LIPF: variants seen among roughly 807,000 people sequenced by gnomAD.
The protein encoded by LIPF is gastric triacylglycerol lipase.
A neutral mutation model predicts 38.0 loss-of-function variants in LIPF; 25 were observed. The ratio of observed to expected loss-of-function variants is 0.66; its 90% CI spans 0.48 to 0.92. The LOEUF is 0.92. Ranked by LOEUF, LIPF falls within the 40% of genes least tolerant of loss-of-function variation. The pLI, the probability that LIPF is intolerant of heterozygous loss-of-function variation, is 0.00. For missense variants in LIPF, 410 were observed against 469.9 expected (o/e 0.87, Z 1.18); for synonymous variants, 161 against 156.2 (o/e 1.03, Z -0.23).
chr10:88,678,501 C>T lies in LIPF; in HGVS notation c.1017C>T (p.Asn339=), dbSNP rs777563036. ...TGAATGTACCAATTGCAGTGTGGAACGGTGGCAAGGACCTGTTGGCTGACC... is the reference window on the plus strand; with the variant it reads ...TGAATGTACCAATTGCAGTGTGGAATGGTGGCAAGGACCTGTTGGCTGACC... ...TAMNVPIAVW[N]GGKDLLADPQ... The change falls in exon 10 of 10, where the codon AAC becomes AAT. Residue 339 remains asparagine (N), a synonymous_variant. Transcript: ENST00000238983. 1.1e-5 allele frequency: 17 copies of T among 1,613,894 alleles called. No homozygotes were observed. Among genetic ancestry groups the T allele is most frequent in the South Asian group, 8.8e-5 (8 of 91,072 alleles).
intron 6 of LIPF, among the ~76,000 whole-genome samples, chr10:88,672,556 C>T (rs930371752): frequency 6.6e-6 from 1 of 151,748 alleles, no homozygotes; most frequent in African/African-American, 2.4e-5. Context: ...GCAGTAGGCA[C>T]ACATGTTATG....
At chr10:88,673,146 C>A (rs1841629979) in intron 6 of LIPF, among the ~76,000 whole-genome samples, 1 of 152,194 alleles carries the variant, frequency 6.6e-6, no homozygotes. Context: ...AATTCTTATA[C>A]TGAGCCTCAT....
chr10:88,678,379 G>C (rs756270127), intron 9 of LIPF, 66 bp from the exon 10 acceptor site: 6 of 1,145,028 alleles, frequency 5.2e-6, no homozygotes, highest in South Asian at 1.2e-5. Flanking sequence ...CACTCTACTT[G>C]AATAGTAAGT....
At chr10:88,672,670 A>ACACACACT (rs869259093) in intron 6 of LIPF, among the ~76,000 whole-genome samples, 17 of 110,558 alleles carry the variant, frequency 1.5e-4, no homozygotes, top group African/African-American at 3.1e-4. Context: ...ACACACACAC[A>ACACACACT]CTCTCTCTCT....
chr10:88,669,956 G>A lies in LIPF; in HGVS notation c.532+10G>A, dbSNP rs1040914828. ...CAGGGCACCACCATTGGTAAGTAAT[G>A]GCAGTCAAGGCCAAGTGGTTTACTT... On this transcript the variant is annotated intron_variant, in intron 5 of 9. Coordinates refer to ENST00000238983, the MANE Select transcript of LIPF (RefSeq NM_004190.4). 10 of 1,548,970 alleles carry A rather than the reference G, an allele frequency of 6.5e-6. No homozygotes were observed. The highest frequency in any genetic ancestry group is 2.7e-5 in the African/African-American group (2 of 73,650).
At chr10:88,665,667 G>A in intron 1 of LIPF, 1 of 752,812 alleles carries the variant, frequency 1.3e-6, no homozygotes, top group Non-Finnish European at 2.3e-6. Flanking sequence ...AACACTACTG[G>A]TTAGTCTTTA....
Position 88,668,573 on chromosome 10 carries a change from T to C in LIPF, c.239T>C (p.Val80Ala). Residue 80 changes from valine (V) to alanine (A), a missense_variant, in exon 4 of 10, where the codon GTG becomes GCG. Physicochemically the swap from Val to Ala is moderately conservative, Grantham distance 64. Transcript: ENST00000238983. ...TCTTCCTTAGGCCAGAGACCTGTTG[T>C]GTTTTTGCAGCATGGTTTGCTTGCA... ...NSGNTGQRPVVFLQHGLLASA... is the reference protein window; with the variant it reads ...NSGNTGQRPVAFLQHGLLASA... 6.2e-7 allele frequency: 1 copy of C among 1,614,176 alleles called. No individual in the cohort carries two copies.
At chr10:88,669,685 G>T in intron 4 of LIPF, 152 bp from the exon 5 acceptor site, 1 of 526,662 alleles carries the variant, frequency 1.9e-6, no homozygotes. Flanking sequence ...CTGCCCCAAA[G>T]GGCACCTGAC....
chr10:88,665,737 ATTTTTTTTT>A (rs68081693), intron 1 of LIPF, among the ~76,000 whole-genome samples: 2 of 100,218 alleles, frequency 2.0e-5, no homozygotes, highest in Non-Finnish European at 2.0e-5. Context: ...TTAAAAACTG[ATTTTTTTTT>A]TTTTTTTTTT....
intron 4 of LIPF, 25 bp downstream of exon 4, chr10:88,668,781 T>C (rs745801250): frequency 8.8e-6 from 14 of 1,597,436 alleles, no homozygotes; most frequent in Non-Finnish European, 1.2e-5. Context: ...CAATTAAAAA[T>C]AAACACTGGG....
chr10:88,672,658 ACACACACACACACTCTCT>A (rs1467372530), intron 6 of LIPF, among the ~76,000 whole-genome samples: 5 of 138,652 alleles, frequency 3.6e-5, no homozygotes, highest in Admixed American at 2.2e-4. Context: ...ACACACACAC[ACACACACACACACTCTCT>A]CTCTCTCTCT....
At chr10:88,672,668 A>ACTCT (rs1177143873) in intron 6 of LIPF, among the ~76,000 whole-genome samples, 46 of 116,586 alleles carry the variant, frequency 3.9e-4, no homozygotes, top group African/African-American at 9.4e-4. Context: ...ACACACACAC[A>ACTCT]CACTCTCTCT....
At chr10:88,672,662 A>ACTCT (rs1281006210) in intron 6 of LIPF, among the ~76,000 whole-genome samples, 56 of 126,128 alleles carry the variant, frequency 4.4e-4, no homozygotes, top group African/African-American at 1.6e-3. Flanking sequence ...ACACACACAC[A>ACTCT]CACACACACT....
At chr10:88,675,485 A>T in intron 7 of LIPF, 101 bp from the exon 8 acceptor site, 1 of 888,714 alleles carries the variant, frequency 1.1e-6, no homozygotes, top group Non-Finnish European at 1.8e-6. Context: ...TGCTACCTTT[A>T]AACACTTGAC....
At position 88,673,660 on chromosome 10, in the gene LIPF, C is replaced by T. The variant is rs753310069; in HGVS notation, c.742C>T (p.Arg248Cys). Residue 248 changes from arginine to cysteine, a missense_variant, in exon 7 of 10, where the codon CGT becomes TGT. Transcript: ENST00000238983. Reference sequence around the variant, plus strand: ...ATTTCTTGCTACTGAAGTGTGCTCCCGTGAGATGCTGAATCTCCTTTGCAG... The same window carrying T: ...ATTTCTTGCTACTGAAGTGTGCTCCTGTGAGATGCTGAATCTCCTTTGCAG... ...DQFLATEVCSREMLNLLCSNA... is the reference protein window; with the variant it reads ...DQFLATEVCSCEMLNLLCSNA... 18 of 1,612,376 alleles carry T rather than the reference C, an allele frequency of 1.1e-5. No homozygotes were observed. The highest frequency in any genetic ancestry group is 7.7e-5 in the South Asian group (7 of 90,964).
chr10:88,678,082 T>C (rs1408205765), intron 9 of LIPF, among the ~76,000 whole-genome samples: 1 of 152,228 alleles, frequency 6.6e-6, no homozygotes, highest in African/African-American at 2.4e-5. Context: ...TTGCAATCTA[T>C]GTTCTTAATT....
chr10:88,670,265 C>G (rs1276813344), intron 5 of LIPF, among the ~76,000 whole-genome samples: 1 of 151,916 alleles, frequency 6.6e-6, no homozygotes, highest in African/African-American at 2.4e-5. Context: ...ATGGGGCAGG[C>G]TCCTATGATG....
intron 7 of LIPF, among the ~76,000 whole-genome samples, chr10:88,674,280 T>C (rs1173006058): frequency 6.6e-6 from 1 of 152,184 alleles, no homozygotes; most frequent in Non-Finnish European, 1.5e-5. Context: ...GCCATTCTCC[T>C]GCCTCAGCCT....
At chr10:88,673,806 G>A in intron 7 of LIPF, 72 bp downstream of exon 7, 1 of 1,259,386 alleles carries the variant, frequency 7.9e-7, no homozygotes, top group East Asian at 2.3e-5. Context: ...ACTTAGAAGT[G>A]GTACTTTATG....
Sources: allele counts gnomAD v4.1 joint callset (sites outside exome capture counted in the v4.1 genomes callset), GRCh38; gene constraint gnomAD v4.1.1; transcripts MANE v1.5; gene names NCBI Gene and HGNC (gene_info 2026-07-23, HGNC 2026-07-21).